Variants in FAM78B observed in about 807,000 individuals in gnomAD.
The protein encoded by FAM78B is protein FAM78B.
FAM78B carries 10 observed loss-of-function variants against 20.0 expected under a neutral mutation model. The ratio of observed to expected loss-of-function variants is 0.50; its 90% CI spans 0.31 to 0.85. The LOEUF is 0.85. Among genes scored for constraint, FAM78B ranks in the 40% least tolerant of loss-of-function variants. The probability of loss-of-function intolerance (pLI) is 0.05; values close to 1 mark genes in which losing one functional copy is unlikely to be tolerated. For synonymous variants in FAM78B, 135 were observed against 132.8 expected (o/e 1.02, Z -0.12); for missense variants, 283 against 345.0 (o/e 0.82, Z 1.42).
intron 1 of FAM78B, among the ~76,000 whole-genome samples, chr1:166,156,057 A>G (rs1248877022): frequency 6.6e-6 from 1 of 152,212 alleles, no homozygotes; most frequent in Non-Finnish European, 1.5e-5. Flanking sequence ...CCCATTAGCC[A>G]GGCCTCTAAC....
chr1:166,131,655 G>A (rs964121278), intron 1 of FAM78B, among the ~76,000 whole-genome samples: 16 of 152,208 alleles, frequency 1.1e-4, no homozygotes, highest in African/African-American at 3.9e-4. Flanking sequence ...ATATGAAGAA[G>A]ACTGGGGAGA....
chr1:166,165,630 G>A lies in FAM78B; in HGVS notation c.263+356C>T, dbSNP rs550774266. Reference sequence around the variant, plus strand: ...CTATGGTTTCCCCCAAACTCTTCCCGGGGAGCCCCACAAAGCACAGACGGC... The same window carrying A: ...CTATGGTTTCCCCCAAACTCTTCCCAGGGAGCCCCACAAAGCACAGACGGC... On this transcript the variant is annotated intron_variant, in intron 1 of 1. Transcript: ENST00000354422. Among the ~76,000 whole-genome samples the A allele has an allele frequency of 9.2e-5, 14 of 152,116 alleles. No homozygotes were observed. In the South Asian group the frequency reaches 2.9e-3, roughly 32 times the overall value.
At chr1:166,086,928 T>C (rs1449305893) in intron 1 of FAM78B, among the ~76,000 whole-genome samples, 1 of 152,208 alleles carries the variant, frequency 6.6e-6, no homozygotes. Context: ...GTTCCCCCAG[T>C]GTGGCTACAT....
chr1:166,110,359 C>T (rs1413819762), intron 1 of FAM78B, among the ~76,000 whole-genome samples: 1 of 152,124 alleles, frequency 6.6e-6, no homozygotes, highest in Non-Finnish European at 1.5e-5. Flanking sequence ...CAGATCCTCC[C>T]TCTGCAGAGC....
intron 1 of FAM78B, among the ~76,000 whole-genome samples, chr1:166,134,035 C>T (rs1654979568): frequency 6.6e-6 from 1 of 152,160 alleles, no homozygotes; most frequent in Non-Finnish European, 1.5e-5. Context: ...CGTATGTTCT[C>T]CCCACTACCT....
chr1:166,162,390 G>T (rs139568338), intron 1 of FAM78B, among the ~76,000 whole-genome samples: 5 of 152,296 alleles, frequency 3.3e-5, no homozygotes, highest in Admixed American at 3.3e-4. Flanking sequence ...AGTGGAGATG[G>T]TTTCCATACT....
intron 1 of FAM78B, among the ~76,000 whole-genome samples, chr1:166,154,331 C>T (rs545385304): frequency 5.6e-4 from 85 of 152,312 alleles, no homozygotes; most frequent in Non-Finnish European, 9.1e-4. Flanking sequence ...TTGGGAATCC[C>T]GGCTAAATCT....
chr1:166,116,448 C>T (rs553958779), intron 1 of FAM78B, among the ~76,000 whole-genome samples: 2 of 152,176 alleles, frequency 1.3e-5, no homozygotes, highest in African/African-American at 2.4e-5. Flanking sequence ...TAGTGATAGG[C>T]GCTCAGCCAG....
At chr1:166,102,813 A>T (rs1000509220) in intron 1 of FAM78B, among the ~76,000 whole-genome samples, 10 of 152,202 alleles carry the variant, frequency 6.6e-5, no homozygotes, top group African/African-American at 1.9e-4. Context: ...ACAGAAAGTT[A>T]ACAAGGATAT....
downstream of FAM78B, among the ~76,000 whole-genome samples, chr1:166,068,621 C>T (rs1651892959): frequency 6.6e-6 from 1 of 152,180 alleles, no homozygotes; most frequent in Non-Finnish European, 1.5e-5. Context: ...TATCCACAAA[C>T]TCTAGTAGAA....
intron 1 of FAM78B, among the ~76,000 whole-genome samples, chr1:166,101,946 G>C (rs1000204471): frequency 1.3e-5 from 2 of 152,130 alleles, no homozygotes; most frequent in Non-Finnish European, 2.9e-5. Flanking sequence ...AAAATGTTAA[G>C]GGCAGCCAGA....
intron 1 of FAM78B, among the ~76,000 whole-genome samples, chr1:166,107,820 G>C (rs1653846703): frequency 6.6e-6 from 1 of 152,174 alleles, no homozygotes. Context: ...TCATACCACG[G>C]ATGCAGGGAT....
chr1:166,150,088 G>A (rs2101797145), intron 1 of FAM78B, among the ~76,000 whole-genome samples: 1 of 152,324 alleles, frequency 6.6e-6, no homozygotes, highest in East Asian at 1.9e-4. Context: ...TAGGGACAAT[G>A]AGGATGGCTG....
intron 1 of FAM78B, among the ~76,000 whole-genome samples, chr1:166,077,096 T>C (rs1652304439): frequency 6.6e-6 from 1 of 152,182 alleles, no homozygotes; most frequent in African/African-American, 2.4e-5. Flanking sequence ...GCCATTCGAC[T>C]TGTTAATTTT....
At position 166,109,852 on chromosome 1, in the gene FAM78B, ATATATATATGTATG is replaced by A. The variant is rs1419629812; in HGVS notation, c.264-39103_264-39090del. On this transcript the variant is annotated intron_variant, in intron 1 of 1. Transcript: ENST00000354422. The stretch of plus-strand genomic sequence containing the variant: ...TATATGTATATATGTATATATATAT[ATATATATATGTATG>A]TGTATATATATATATGTATATATGT... Among the ~76,000 whole-genome samples, 23 of 25,446 alleles carry A rather than the reference ATATATATATGTATG, an allele frequency of 9.0e-4. 2 individuals are homozygous for A. The highest frequency in any genetic ancestry group is 0.014 in the Middle Eastern group (1 of 72). 16.7% of individuals were successfully genotyped at this position (25,446 alleles called of 152,430 possible).
At chr1:166,065,025 C>T (rs1304762383), downstream of FAM78B, among the ~76,000 whole-genome samples, 1 of 151,006 alleles carries the variant, frequency 6.6e-6, no homozygotes, top group African/African-American at 2.5e-5. Context: ...AGGAGAGAAA[C>T]CACTTGAAGG....
intron 1 of FAM78B, among the ~76,000 whole-genome samples, chr1:166,078,803 C>G (rs1333517557): frequency 1.3e-5 from 2 of 152,208 alleles, no homozygotes; most frequent in South Asian, 2.1e-4. Context: ...GGTTGGGAGT[C>G]AGGGGGAACC....
intron 1 of FAM78B, among the ~76,000 whole-genome samples, chr1:166,102,838 C>G (rs1322202706): frequency 6.6e-6 from 1 of 152,182 alleles, no homozygotes; most frequent in Non-Finnish European, 1.5e-5. Flanking sequence ...GAATTGAACT[C>G]AGCTCTGCAC....
intron 1 of FAM78B, among the ~76,000 whole-genome samples, chr1:166,124,173 T>G (rs2101771524): frequency 6.6e-6 from 1 of 152,308 alleles, no homozygotes; most frequent in Admixed American, 6.5e-5. Flanking sequence ...GGCTCATGGG[T>G]TTCAACACCC....
Sources: allele counts gnomAD v4.1 joint callset (sites outside exome capture counted in the v4.1 genomes callset), GRCh38; gene constraint gnomAD v4.1.1; transcripts MANE v1.5; gene names NCBI Gene and HGNC (gene_info 2026-07-23, HGNC 2026-07-21).